Variants in MCPH1 observed in about 807,000 individuals in gnomAD.
MCPH1 encodes the protein microcephalin 1.
A neutral mutation model predicts 84.5 loss-of-function variants in MCPH1; 104 were observed. That is an observed-to-expected ratio of 1.23 (90% CI 1.05 to 1.45). The LOEUF (loss-of-function observed/expected upper bound fraction) is 1.45. MCPH1 is among the 40% of genes most tolerant of loss of function. The pLI is 0.00. For missense variants in MCPH1, 1,498 were observed against 1,005.7 expected (o/e 1.49, Z -6.62); for synonymous variants, 514 against 366.8 (o/e 1.40, Z -4.58).
intron 9 of MCPH1, among the ~76,000 whole-genome samples, chr8:6,467,099 G>A (rs1226816989): frequency 4.6e-5 from 7 of 152,114 alleles, no homozygotes; most frequent in African/African-American, 1.7e-4. Flanking sequence ...CGTTATAATA[G>A]GGTTTGTTAA....
intron 9 of MCPH1, among the ~76,000 whole-genome samples, chr8:6,455,589 A>G (rs1243282743): frequency 6.6e-6 from 1 of 152,208 alleles, no homozygotes; most frequent in Non-Finnish European, 1.5e-5. Context: ...TAGGAGGTGA[A>G]GAATCCAAAC....
intron 9 of MCPH1, among the ~76,000 whole-genome samples, chr8:6,473,484 A>G (rs1808037102): frequency 6.6e-6 from 1 of 151,980 alleles, no homozygotes; most frequent in Non-Finnish European, 1.5e-5. Flanking sequence ...GGTGCCCACC[A>G]CCATGCCCGG....
chr8:6,603,070 A>T (rs912746149), intron 12 of MCPH1, among the ~76,000 whole-genome samples: 1 of 151,848 alleles, frequency 6.6e-6, no homozygotes, highest in Admixed American at 6.6e-5. Flanking sequence ...ATTCTCCCCC[A>T]AACACTAGTT....
At chr8:6,558,222 G>A (rs894993833) in intron 12 of MCPH1, among the ~76,000 whole-genome samples, 3 of 152,098 alleles carry the variant, frequency 2.0e-5, no homozygotes, top group African/African-American at 7.2e-5. Flanking sequence ...TTTAAATAAA[G>A]GGCTGGTAAA....
chr8:6,515,966 C>T (rs930927846), intron 12 of MCPH1, among the ~76,000 whole-genome samples: 1 of 152,260 alleles, frequency 6.6e-6, no homozygotes, highest in South Asian at 2.1e-4. Context: ...CTGCCTGATG[C>T]CTCATTGCCA....
intron 12 of MCPH1, chr8:6,503,000 C>A: frequency 7.1e-7 from 1 of 1,415,478 alleles, no homozygotes; most frequent in Non-Finnish European, 9.8e-7. Flanking sequence ...CACACGCCCT[C>A]TGTGGTGGAA....
intron 5 of MCPH1, among the ~76,000 whole-genome samples, chr8:6,436,532 C>T (rs886177411): frequency 6.6e-6 from 1 of 151,748 alleles, no homozygotes; most frequent in African/African-American, 2.4e-5. Flanking sequence ...TGTTTTGTTA[C>T]CCTGAATAGG....
intron 3 of MCPH1, among the ~76,000 whole-genome samples, chr8:6,426,132 A>G (rs1353150937): frequency 6.6e-6 from 1 of 152,206 alleles, no homozygotes; most frequent in African/African-American, 2.4e-5. Context: ...TTTATTAGAT[A>G]CAGCATTCTG....
intron 12 of MCPH1, among the ~76,000 whole-genome samples, chr8:6,611,707 C>T (rs1264155091): frequency 1.3e-5 from 2 of 152,218 alleles, no homozygotes; most frequent in Admixed American, 6.5e-5. Context: ...CAAGCTCCGC[C>T]TCCCGGGTTC....
chr8:6,610,901 A>G (rs71525740), intron 12 of MCPH1, among the ~76,000 whole-genome samples: 1 of 152,106 alleles, frequency 6.6e-6, no homozygotes, highest in Non-Finnish European at 1.5e-5. Context: ...TCATATTACA[A>G]AATTGAAACT....
chr8:6,559,379 A>G (rs1264983181), intron 12 of MCPH1, among the ~76,000 whole-genome samples: 1 of 152,162 alleles, frequency 6.6e-6, no homozygotes, highest in Non-Finnish European at 1.5e-5. Context: ...ATGGTTTCCT[A>G]TGCATTCATT....
In MCPH1 at chr8:6,444,447, C is replaced by T. The variant is rs1203992018; in HGVS notation, c.725C>T (p.Ser242Leu). 6.2e-7 allele frequency: 1 copy of T among 1,614,116 alleles called. No homozygotes were observed. The highest frequency in any genetic ancestry group is 1.1e-5 in the South Asian group (1 of 91,072). ...HSSFDDLCGN[S>L]GCGNQERKLE... is the part of the protein sequence containing the mutation. ...TCTTTTGATGATCTTTGTGGAAACT[C>T]AGGATGTGGAAATCAGGAAAGGAAG... The change falls in exon 8 of 14, where the codon TCA becomes TTA. Residue 242 changes from serine to leucine, a missense_variant. Coordinates refer to ENST00000344683, the MANE Select transcript of MCPH1 (RefSeq NM_024596.5).
chr8:6,469,112 C>T (rs1426117156), intron 9 of MCPH1, among the ~76,000 whole-genome samples: 2 of 151,934 alleles, frequency 1.3e-5, no homozygotes, highest in Non-Finnish European at 1.5e-5. Flanking sequence ...ACCAGGAATT[C>T]GAGGCTGCTC....
chr8:6,554,307 AG>A (rs1190299197), intron 12 of MCPH1, among the ~76,000 whole-genome samples: 4 of 143,710 alleles, frequency 2.8e-5, no homozygotes, highest in African/African-American at 8.8e-5. Flanking sequence ...TTAAAAAGAG[AG>A]AAAAAAAAAA....
intron 12 of MCPH1, among the ~76,000 whole-genome samples, chr8:6,540,470 G>C (rs1282227030): frequency 5.3e-5 from 8 of 152,202 alleles, no homozygotes; most frequent in Non-Finnish European, 1.0e-4. Flanking sequence ...TAGAGGTCTT[G>C]TAGGGCACAT....
intron 12 of MCPH1, among the ~76,000 whole-genome samples, chr8:6,595,272 C>G (rs1322810336): frequency 1.3e-5 from 2 of 152,068 alleles, no homozygotes; most frequent in Admixed American, 6.5e-5. Flanking sequence ...AGGAGACACA[C>G]AGGAATGAGT....
chr8:6,466,129 A>ATTT (rs751729134), intron 9 of MCPH1, among the ~76,000 whole-genome samples: 7 of 19,790 alleles, frequency 3.5e-4, no homozygotes, highest in African/African-American at 8.1e-4. Flanking sequence ...TAATTTTTGG[A>ATTT]TTTTTTTTTT....
chr8:6,613,319 G>C (rs1364164565), intron 12 of MCPH1, among the ~76,000 whole-genome samples: 2 of 152,244 alleles, frequency 1.3e-5, no homozygotes, highest in Admixed American at 1.3e-4. Context: ...CACGGCCAAC[G>C]GTCAGGGGAC....
rs527298782 is a variant in MCPH1 at position 6,517,884 on chromosome 8, G to T, written c.2214+17955G>T. On this transcript the variant is annotated intron_variant, in intron 12 of 13. Coordinates refer to ENST00000344683, the MANE Select transcript of MCPH1 (RefSeq NM_024596.5). Reference sequence around the variant, plus strand: ...GGAAGGGAATTTAGAAGTAACAATTGACACCACTTATTTTTCAAGATGAGA... The same window carrying T: ...GGAAGGGAATTTAGAAGTAACAATTTACACCACTTATTTTTCAAGATGAGA... 2.0e-5 allele frequency among the ~76,000 whole-genome samples: 3 copies of T among 152,290 alleles called. No homozygotes were observed. In the East Asian group the frequency reaches 5.8e-4, roughly 29 times the overall value.
Sources: gnomAD v4.1 joint callset for allele counts (sites outside exome capture counted in the v4.1 genomes callset) on GRCh38, gnomAD v4.1.1 for gene constraint, MANE v1.5 for transcripts, NCBI Gene and HGNC (gene_info 2026-07-23, HGNC 2026-07-21) for gene names.